NDUFAF6: variants seen among roughly 807,000 people sequenced by gnomAD.
NDUFAF6 encodes the protein NADH dehydrogenase (ubiquinone) complex I, assembly factor 6.
NDUFAF6 carries 45 observed loss-of-function variants against 40.8 expected under a neutral mutation model. That is an observed-to-expected ratio of 1.10 (90% CI 0.87 to 1.42). NDUFAF6 has a LOEUF of 1.42. Among genes scored for constraint, NDUFAF6 ranks in the 40% most tolerant of loss-of-function variants. The pLI is 0.00. For missense variants in NDUFAF6, 435 were observed against 418.5 expected, an observed-to-expected ratio of 1.04 and a Z score of -0.34; for synonymous variants, 185 against 155.9, an observed-to-expected ratio of 1.19 and a Z score of -1.39.
In NDUFAF6 at chr8:95,058,681, G is replaced by T. The variant is rs1832474048; in HGVS notation, c.*744G>T. The T allele has an allele frequency of 3.9e-6, 4 of 1,035,208 alleles. No individual in the cohort carries two copies. The highest frequency in any genetic ancestry group is 4.6e-6 in the Non-Finnish European group (4 of 863,176). The allele number at this position is 1,035,208 out of a possible 1,614,324, so 64.1% of individuals were successfully genotyped here. A position where few individuals can be genotyped will look rare whatever the true frequency, so the allele number is the denominator to read the frequency against. ...TAAGTGATATGAACGGTATTGTATTGAACATCCATTAAAGGGTTGCTACAC... is the reference window on the plus strand; with the variant it reads ...TAAGTGATATGAACGGTATTGTATTTAACATCCATTAAAGGGTTGCTACAC... On this transcript the variant is annotated 3_prime_UTR_variant, in exon 9 of 9. Transcript: ENST00000396124.
intron 1 of NDUFAF6, among the ~76,000 whole-genome samples, chr8:94,973,519 T>A (rs958420254): frequency 2.0e-5 from 3 of 152,012 alleles, no homozygotes; most frequent in African/African-American, 7.2e-5. Context: ...CCATCCTAGC[T>A]AACACAGTGA....
intron 3 of NDUFAF6, among the ~76,000 whole-genome samples, chr8:95,040,277 A>G (rs1830007802): frequency 6.6e-6 from 1 of 152,200 alleles, no homozygotes; most frequent in Non-Finnish European, 1.5e-5. Context: ...CATAGGTGGT[A>G]TGTCCTTCTC....
intron 2 of NDUFAF6, among the ~76,000 whole-genome samples, chr8:95,090,419 T>G (rs534031388): frequency 6.6e-6 from 1 of 152,344 alleles, no homozygotes; most frequent in South Asian, 2.1e-4. Flanking sequence ...GGGTTCTGCC[T>G]TTATCTCATG....
At chr8:95,002,850 T>C (rs776319858) in intron 2 of NDUFAF6, among the ~76,000 whole-genome samples, 18 of 152,294 alleles carry the variant, frequency 1.2e-4, no homozygotes, top group Non-Finnish European at 4.4e-5. Flanking sequence ...GTGTCAGGCG[T>C]AAGTGGATCC....
At chr8:95,117,548 A>C (rs1004338268), downstream of NDUFAF6, among the ~76,000 whole-genome samples, 26 of 152,254 alleles carry the variant, frequency 1.7e-4, no homozygotes, top group Non-Finnish European at 3.5e-4. Flanking sequence ...TTATGTTTGG[A>C]ATATTTCACA....
At chr8:94,928,819 A>G (rs1305092650) in intron 1 of NDUFAF6, 2 of 152,368 alleles carry the variant, frequency 1.3e-5, no homozygotes, top group Admixed American at 1.3e-4. Context: ...TTATTGAAAA[A>G]TATAATACTT....
intron 2 of NDUFAF6, chr8:94,949,988 C>T (rs923663843): frequency 6.6e-6 from 1 of 152,376 alleles, no homozygotes; most frequent in Non-Finnish European, 1.5e-5. Context: ...GTAGAAACCG[C>T]CACCGAGAGC....
At position 95,025,119 on chromosome 8, in the gene NDUFAF6, C is replaced by T. The variant is rs1403936174; in HGVS notation, c.111C>T (p.Pro37=). The change falls in exon 1 of 9, where the codon CCC becomes CCT. Residue 37 remains proline (P), a synonymous_variant. Transcript: ENST00000396124. Reference sequence around the variant, plus strand: ...TGTACGCGCGCATGCGGCGGCTGCCCGGGCCGGAGGTGTCTGGGCGGAGCG... The same window carrying T: ...TGTACGCGCGCATGCGGCGGCTGCCTGGGCCGGAGGTGTCTGGGCGGAGCG... ...LGLYARMRRL[P]GPEVSGRSVA... 7 of 1,479,956 alleles carry T rather than the reference C, an allele frequency of 4.7e-6. No individual in the cohort carries two copies. In the East Asian group the frequency reaches 2.0e-4, roughly 43 times the overall value. The allele number at this position is 1,479,956 out of a possible 1,614,324, so 91.7% of individuals were successfully genotyped here.
chr8:95,037,385 A>T (rs1214197564), intron 3 of NDUFAF6, among the ~76,000 whole-genome samples: 20 of 152,222 alleles, frequency 1.3e-4, no homozygotes, highest in Non-Finnish European at 7.3e-5. Context: ...TTCATTTATT[A>T]AATATTTATT....
chr8:94,918,028 T>A (rs1465461900), intron 1 of NDUFAF6, among the ~76,000 whole-genome samples: 1 of 152,224 alleles, frequency 6.6e-6, no homozygotes, highest in Non-Finnish European at 1.5e-5. Flanking sequence ...CGAAACTTTG[T>A]AAGTTGTTTC....
chr8:95,032,169 AT>A, intron 2 of NDUFAF6, 75 bp downstream of exon 2: 1 of 1,240,326 alleles, frequency 8.1e-7, no homozygotes, highest in Non-Finnish European at 1.2e-6. Flanking sequence ...CAATAAAGAA[AT>A]ATAGTTGTAA....
Position 95,058,525 on chromosome 8 carries a change from A to G in NDUFAF6, c.*588A>G. 8.2e-7 allele frequency: 1 copy of G among 1,224,184 alleles called. No homozygotes were observed. The highest frequency in any genetic ancestry group is 1.0e-6 in the Non-Finnish European group (1 of 983,774). The allele number at this position is 1,224,184 out of a possible 1,614,324, so 75.8% of individuals were successfully genotyped here. A position where few individuals can be genotyped will look rare whatever the true frequency, so the allele number is the denominator to read the frequency against. ...TTCTTTAAGGTTGGAGTGGCTGGCAAGAGCAGAGCCTTAATTTGACTTTAG... is the reference window on the plus strand; with the variant it reads ...TTCTTTAAGGTTGGAGTGGCTGGCAGGAGCAGAGCCTTAATTTGACTTTAG... On this transcript the variant is annotated 3_prime_UTR_variant, in exon 9 of 9. Transcript: ENST00000396124.
At chr8:94,980,829 A>G (rs1426174894) in intron 1 of NDUFAF6, 1 of 418,284 alleles carries the variant, frequency 2.4e-6, no homozygotes, top group Admixed American at 2.7e-5. Flanking sequence ...CCTTTTCTCC[A>G]TCAAGACTAC....
chr8:95,077,568 C>G (rs929467534), downstream of NDUFAF6, among the ~76,000 whole-genome samples: 15 of 152,184 alleles, frequency 9.9e-5, no homozygotes, highest in African/African-American at 3.6e-4. Flanking sequence ...CAATTTAAAA[C>G]TTACAAAGTC....
chr8:94,999,043 T>G lies in NDUFAF6; in HGVS notation c.-84+18070T>G, dbSNP rs1826592195. On this transcript the variant is annotated intron_variant, in intron 2 of 9. Transcript: ENST00000396111. ...CAGTGTATATGTGTGTTCGTGTGTGTGTAAAACAGACATAAAATGTCATAA... is the reference window on the plus strand; with the variant it reads ...CAGTGTATATGTGTGTTCGTGTGTGGGTAAAACAGACATAAAATGTCATAA... 2.0e-5 allele frequency among the ~76,000 whole-genome samples: 3 copies of G among 152,080 alleles called. No homozygotes were observed. In the South Asian group the frequency reaches 6.2e-4, roughly 32 times the overall value.
Position 95,058,479 on chromosome 8 carries a change from T to C in NDUFAF6, c.*542T>C. The C allele has an allele frequency of 8.1e-7, 1 of 1,229,266 alleles. No individual in the cohort carries two copies. Among genetic ancestry groups the C allele is most frequent in the Non-Finnish European group, 1.0e-6 (1 of 986,868 alleles). 76.1% of individuals were successfully genotyped at this position (1,229,266 alleles called of 1,614,324 possible). ...ATTTTTACAATCTTGTGTAAAAATT[T>C]ATCCATGATAATAACATAACTTCTT... On this transcript the variant is annotated 3_prime_UTR_variant, in exon 9 of 9. Transcript: ENST00000396124.
chr8:95,019,371 A>G lies in NDUFAF6; in HGVS notation c.-83-12624A>G, dbSNP rs111530800. Among the ~76,000 whole-genome samples the G allele has an allele frequency of 3.8e-3, 583 of 152,376 alleles. 3 individuals carry two copies. Among genetic ancestry groups the G allele is most frequent in the African/African-American group, 0.013 (558 of 41,582 alleles). The stretch of plus-strand genomic sequence containing the variant: ...TTTCAAACTTTAGTTCTTTATTGTA[A>G]TTAGAAACAACTTGTGCAGAGACAA... On this transcript the variant is annotated intron_variant, in intron 2 of 9. Transcript: ENST00000396111.
intron 2 of NDUFAF6, among the ~76,000 whole-genome samples, chr8:95,016,525 A>ACT (rs1468585136): frequency 6.6e-6 from 1 of 152,182 alleles, no homozygotes; most frequent in African/African-American, 2.4e-5. Flanking sequence ...TGGGCGGATC[A>ACT]TGAGGTCAAG....
At chr8:94,910,142 T>G (rs1451072164) in intron 1 of NDUFAF6, among the ~76,000 whole-genome samples, 7 of 152,072 alleles carry the variant, frequency 4.6e-5, no homozygotes, top group Non-Finnish European at 7.4e-5. Context: ...AGGAACTTTT[T>G]TTTGTTTGTT....
Sources: allele counts gnomAD v4.1 joint callset (sites outside exome capture counted in the v4.1 genomes callset), GRCh38; gene constraint gnomAD v4.1.1; transcripts MANE v1.5; gene names NCBI Gene and HGNC (gene_info 2026-07-23, HGNC 2026-07-21).